FTO: variants seen among roughly 807,000 people sequenced by gnomAD.
FTO encodes the protein alpha-ketoglutarate-dependent dioxygenase FTO.
In FTO, 47 loss-of-function variants were observed where a neutral mutation model predicts 63.9. That is an observed-to-expected ratio of 0.74 (90% CI 0.58 to 0.94). FTO has a LOEUF of 0.94. FTO is among the 40% of genes least tolerant of loss of function. FTO has a pLI of 0.00. For missense variants in FTO, 562 were observed against 618.1 expected (o/e 0.91, Z 0.96); for synonymous variants, 207 against 224.4 (o/e 0.92, Z 0.69).
At chr16:53,897,893 A>G (rs2081311558) in intron 7 of FTO, among the ~76,000 whole-genome samples, 1 of 152,114 alleles carries the variant, frequency 6.6e-6, no homozygotes, top group Non-Finnish European at 1.5e-5. Flanking sequence ...AGTCTTCTTG[A>G]TGTATCTCTT....
At chr16:53,833,194 C>T (rs2079190920) in intron 3 of FTO, among the ~76,000 whole-genome samples, 1 of 152,170 alleles carries the variant, frequency 6.6e-6, no homozygotes, top group Admixed American at 6.5e-5. Flanking sequence ...TAAGAAGTGC[C>T]TTTTGCCTCC....
chr16:54,064,214 G>A (rs1055102183), intron 8 of FTO, among the ~76,000 whole-genome samples: 18 of 152,164 alleles, frequency 1.2e-4, no homozygotes, highest in African/African-American at 4.1e-4. Context: ...ACTTCTACTT[G>A]AGTGCTATAT....
At chr16:53,892,589 T>C (rs565574778) in intron 7 of FTO, among the ~76,000 whole-genome samples, 32 of 152,110 alleles carry the variant, frequency 2.1e-4, no homozygotes, top group South Asian at 1.0e-3. Flanking sequence ...ATCTTTATAC[T>C]TTTTTTTGAA....
At chr16:53,866,183 G>GTGAT (rs2080308619) in intron 4 of FTO, among the ~76,000 whole-genome samples, 1 of 152,110 alleles carries the variant, frequency 6.6e-6, no homozygotes, top group African/African-American at 2.4e-5. Context: ...GCTTGTTGGT[G>GTGAT]TGATAGATTA....
At chr16:53,783,604 TAAAA>T (rs753810468) in intron 1 of FTO, among the ~76,000 whole-genome samples, 4 of 68,134 alleles carry the variant, frequency 5.9e-5, no homozygotes, top group South Asian at 6.4e-4. Flanking sequence ...CAAGACTCCA[TAAAA>T]AAAAAAAAAA....
intron 4 of FTO, among the ~76,000 whole-genome samples, chr16:53,852,099 T>TAAAAAAAAAA (rs2079817355): frequency 4.8e-5 from 1 of 21,008 alleles, no homozygotes; most frequent in East Asian, 7.5e-3. Context: ...CTACAAAAAA[T>TAAAAAAAAAA]ACAAAAAAAA....
chr16:53,967,981 A>G (rs1408621611), intron 8 of FTO, among the ~76,000 whole-genome samples: 3 of 152,240 alleles, frequency 2.0e-5, no homozygotes, highest in Non-Finnish European at 4.4e-5. Flanking sequence ...TTATGAAATT[A>G]TCATTTAATT....
intron 8 of FTO, among the ~76,000 whole-genome samples, chr16:54,109,807 G>A (rs1326859659): frequency 6.6e-6 from 1 of 152,118 alleles, no homozygotes; most frequent in Non-Finnish European, 1.5e-5. Context: ...CATTTGACAG[G>A]TGAAAAAGCA....
intron 8 of FTO, among the ~76,000 whole-genome samples, chr16:54,081,245 C>A (rs1449137834): frequency 6.6e-6 from 1 of 152,132 alleles, no homozygotes; most frequent in Non-Finnish European, 1.5e-5. Context: ...GATACGAGAA[C>A]AGGGGCTTAT....
chr16:53,867,493 ATGTG>A (rs150516029), intron 4 of FTO, among the ~76,000 whole-genome samples: 3,115 of 140,326 alleles, frequency 0.022, 57 homozygotes, highest in South Asian at 0.042. Context: ...TACGCCACAT[ATGTG>A]TGTGTGTGTG....
intron 4 of FTO, among the ~76,000 whole-genome samples, chr16:53,854,647 A>C (rs1472951218): frequency 6.6e-6 from 1 of 152,072 alleles, no homozygotes; most frequent in Non-Finnish European, 1.5e-5. Context: ...CTGTGTATCT[A>C]CTTTTATACC....
chr16:53,748,532 G>A (rs537544986), intron 1 of FTO, among the ~76,000 whole-genome samples: 1 of 152,104 alleles, frequency 6.6e-6, no homozygotes, highest in Non-Finnish European at 1.5e-5. Flanking sequence ...TTGGCTCACT[G>A]CAGCTTCCAC....
At chr16:53,830,693 T>A (rs900953020) in intron 3 of FTO, among the ~76,000 whole-genome samples, 2 of 150,924 alleles carry the variant, frequency 1.3e-5, no homozygotes, top group African/African-American at 4.9e-5. Flanking sequence ...AGGTCAGGAG[T>A]TCAAGACCAG....
At chr16:53,724,209 T>TA (rs1182308913) in intron 1 of FTO, among the ~76,000 whole-genome samples, 10 of 152,232 alleles carry the variant, frequency 6.6e-5, no homozygotes, top group Admixed American at 6.5e-4. Flanking sequence ...GGAGTTCACA[T>TA]ACTAATTCAT....
chr16:53,821,682 C>T (rs556035135), intron 2 of FTO, among the ~76,000 whole-genome samples: 1 of 152,150 alleles, frequency 6.6e-6, no homozygotes, highest in South Asian at 2.1e-4. Context: ...ACCACACTTA[C>T]CTAGTAAAGT....
intron 8 of FTO, among the ~76,000 whole-genome samples, chr16:54,039,072 T>C (rs1470178181): frequency 6.6e-6 from 1 of 152,180 alleles, no homozygotes; most frequent in African/African-American, 2.4e-5. Context: ...TTTCTTTTTC[T>C]CCTTGAAAAA....
chr16:53,783,604 T>TATCAGAA (rs397716766), intron 1 of FTO, among the ~76,000 whole-genome samples: 1 of 68,146 alleles, frequency 1.5e-5, no homozygotes, highest in Admixed American at 2.1e-4. Context: ...CAAGACTCCA[T>TATCAGAA]AAAAAAAAAA....
chr16:53,716,663 G>A (rs941471443), intron 1 of FTO, among the ~76,000 whole-genome samples: 5 of 151,806 alleles, frequency 3.3e-5, no homozygotes, highest in African/African-American at 1.2e-4. Flanking sequence ...AGTCAGCTTC[G>A]TAAATATAGA....
At chr16:54,068,510 T>C (rs1476087596) in intron 8 of FTO, among the ~76,000 whole-genome samples, 1 of 152,138 alleles carries the variant, frequency 6.6e-6, no homozygotes, top group Non-Finnish European at 1.5e-5. Context: ...ATTGTTCACA[T>C]GTCCCCATGG....
Sources: gnomAD v4.1 joint callset for allele counts (sites outside exome capture counted in the v4.1 genomes callset) on GRCh38, gnomAD v4.1.1 for gene constraint, MANE v1.5 for transcripts, NCBI Gene and HGNC (gene_info 2026-07-23, HGNC 2026-07-21) for gene names.